The following CSMD1 variants were observed in gnomAD, a reference collection of about 807,000 sequenced individuals.
CSMD1 encodes CUB and Sushi multiple domains 1.
In CSMD1, 213 loss-of-function variants were observed where a neutral mutation model predicts 417.5. The ratio of observed to expected loss-of-function variants is 0.51; its 90% CI spans 0.46 to 0.57. The LOEUF is 0.57. Among genes scored for constraint, CSMD1 ranks in the 20% least tolerant of loss-of-function variants. CSMD1 has a pLI of 0.00. For missense variants in CSMD1, 6,923 were observed against 4,529.7 expected (o/e 1.53, Z -15.17); for synonymous variants, 2,862 against 1,736.8 (o/e 1.65, Z -16.11).
At chr8:4,004,652 G>C (rs928742167) in intron 4 of CSMD1, among the ~76,000 whole-genome samples, 2 of 152,004 alleles carry the variant, frequency 1.3e-5, no homozygotes, top group Non-Finnish European at 2.9e-5. Context: ...ATAAATTTGT[G>C]TATGAAATAG....
intron 2 of CSMD1, among the ~76,000 whole-genome samples, chr8:4,500,209 G>C (rs1214966852): frequency 6.6e-6 from 1 of 152,164 alleles, no homozygotes; most frequent in African/African-American, 2.4e-5. Flanking sequence ...TGGAACTCCA[G>C]GGAGAGGTTG....
chr8:4,647,219 C>T (rs1803572180), intron 1 of CSMD1, among the ~76,000 whole-genome samples: 1 of 151,190 alleles, frequency 6.6e-6, no homozygotes, highest in African/African-American at 2.4e-5. Flanking sequence ...GTTTCGGGCG[C>T]CAGTTTGCTG....
intron 17 of CSMD1, among the ~76,000 whole-genome samples, chr8:3,393,494 T>C (rs1332784926): frequency 6.6e-6 from 1 of 152,182 alleles, no homozygotes; most frequent in Non-Finnish European, 1.5e-5. Flanking sequence ...GGCATTTTTT[T>C]CATGTGTCTG....
intron 3 of CSMD1, among the ~76,000 whole-genome samples, chr8:4,210,336 A>G (rs1800232036): frequency 6.6e-6 from 1 of 152,218 alleles, no homozygotes; most frequent in African/African-American, 2.4e-5. Flanking sequence ...GTGCTGTGTC[A>G]AGTAAGTTGT....
chr8:4,349,536 C>G (rs1390502058), intron 3 of CSMD1, among the ~76,000 whole-genome samples: 1 of 152,112 alleles, frequency 6.6e-6, no homozygotes, highest in Admixed American at 6.5e-5. Context: ...CCTTTCTACT[C>G]TATACCATGC....
At chr8:3,150,637 C>T (rs1267109623) in intron 40 of CSMD1, among the ~76,000 whole-genome samples, 1 of 152,290 alleles carries the variant, frequency 6.6e-6, no homozygotes, top group Admixed American at 6.5e-5. Flanking sequence ...AAATACCCAG[C>T]TACTCTGCCC....
chr8:3,357,387 A>G (rs1005962886), intron 21 of CSMD1, among the ~76,000 whole-genome samples: 5 of 152,330 alleles, frequency 3.3e-5, no homozygotes, highest in Middle Eastern at 6.8e-3. Context: ...CCATCACAGC[A>G]TTTACTTCGT....
chr8:4,477,454 A>T (rs186911038), intron 2 of CSMD1, among the ~76,000 whole-genome samples: 1 of 152,270 alleles, frequency 6.6e-6, no homozygotes, highest in Non-Finnish European at 1.5e-5. Context: ...GGTAAAACAC[A>T]TGATTTTCAG....
At chr8:4,358,794 CA>C (rs1801584342) in intron 3 of CSMD1, among the ~76,000 whole-genome samples, 1 of 152,058 alleles carries the variant, frequency 6.6e-6, no homozygotes, top group African/African-American at 2.4e-5. Flanking sequence ...TCAGCCAAGG[CA>C]AGGGTAAACA....
chr8:4,021,985 T>C (rs565857341), intron 4 of CSMD1, among the ~76,000 whole-genome samples: 3 of 151,880 alleles, frequency 2.0e-5, no homozygotes, highest in Admixed American at 6.6e-5. Flanking sequence ...TAGGAAAGGA[T>C]AGTTAGGTCT....
intron 5 of CSMD1, among the ~76,000 whole-genome samples, chr8:3,841,389 A>G (rs1471770337): frequency 6.6e-6 from 1 of 152,128 alleles, no homozygotes; most frequent in Non-Finnish European, 1.5e-5. Context: ...ACCTCAAGCA[A>G]TGTGTTTGAT....
intron 68 of CSMD1, among the ~76,000 whole-genome samples, chr8:2,946,553 G>C (rs341720): frequency 0.016 from 2,471 of 152,206 alleles, 56 homozygotes; most frequent in African/African-American, 0.057. Context: ...CATCCTTGTT[G>C]TAGGATTCTT....
At chr8:3,769,286 A>G (rs1798449985) in intron 5 of CSMD1, among the ~76,000 whole-genome samples, 1 of 152,158 alleles carries the variant, frequency 6.6e-6, no homozygotes, top group Non-Finnish European at 1.5e-5. Flanking sequence ...AACTATAGCT[A>G]AATAGTGGTC....
chr8:4,678,197 G>A (rs980229946), intron 1 of CSMD1, among the ~76,000 whole-genome samples: 5 of 148,306 alleles, frequency 3.4e-5, no homozygotes, highest in Admixed American at 6.7e-5. Context: ...GATCACATGA[G>A]GCCGGGAGTT....
intron 3 of CSMD1, among the ~76,000 whole-genome samples, chr8:4,127,287 C>G (rs911091978): frequency 6.6e-6 from 1 of 151,836 alleles, no homozygotes; most frequent in Non-Finnish European, 1.5e-5. Flanking sequence ...CATGCGGCTC[C>G]CTCTGCTTTT....
chr8:2,987,025 C>G (rs1470145737), intron 54 of CSMD1, among the ~76,000 whole-genome samples: 2 of 151,940 alleles, frequency 1.3e-5, no homozygotes, highest in Non-Finnish European at 2.9e-5. Flanking sequence ...AGTACATTCC[C>G]TCTTAACTGA....
chr8:4,969,004 A>C (rs1810067337), intron 1 of CSMD1, among the ~76,000 whole-genome samples: 1 of 152,178 alleles, frequency 6.6e-6, no homozygotes. Context: ...TGAAACCAAG[A>C]TACTGTCGCT....
chr8:4,212,399 A>G (rs1340281289), intron 3 of CSMD1, among the ~76,000 whole-genome samples: 1 of 152,164 alleles, frequency 6.6e-6, no homozygotes, highest in Non-Finnish European at 1.5e-5. Context: ...TGAAAGCCAT[A>G]CTTTTCATGT....
At chr8:4,487,660 AG>A in intron 2 of CSMD1, among the ~76,000 whole-genome samples, 1 of 152,374 alleles carries the variant, frequency 6.6e-6, no homozygotes, top group East Asian at 1.9e-4. Context: ...TTTCAAAAAA[AG>A]GATTTTTCTG....
Sources: gnomAD v4.1 joint callset for allele counts (sites outside exome capture counted in the v4.1 genomes callset) on GRCh38, gnomAD v4.1.1 for gene constraint, MANE v1.5 for transcripts, NCBI Gene and HGNC (gene_info 2026-07-23, HGNC 2026-07-21) for gene names.